The following ZCCHC4 variants were observed in gnomAD, a reference collection of about 807,000 sequenced individuals.
ZCCHC4 encodes rRNA N(6)-adenosine-methyltransferase ZCCHC4.
A neutral mutation model predicts 67.7 loss-of-function variants in ZCCHC4; 54 were observed. The ratio of observed to expected loss-of-function variants is 0.80; its 90% CI spans 0.64 to 1.00. ZCCHC4 has a LOEUF of 1.00. ZCCHC4 is among the 50% of genes least tolerant of loss of function. ZCCHC4 has a pLI of 0.00. For missense variants in ZCCHC4, 609 were observed against 617.0 expected, an observed-to-expected ratio of 0.99 and a Z score of 0.14; for synonymous variants, 198 against 213.5, an observed-to-expected ratio of 0.93 and a Z score of 0.63.
chr4:25,345,492 A>G (rs1162819725), intron 5 of ZCCHC4, 56 bp from the exon 6 acceptor site: 5 of 958,772 alleles, frequency 5.2e-6, no homozygotes, highest in African/African-American at 1.7e-5. Context: ...AATTTAGTTT[A>G]TATTTGTCTA....
rs938773676 is a variant in ZCCHC4, at chr4:25,370,362, G to A, written c.*1198G>A. ...CAGCTATACCTGAGGTTTGTTTTGT[G>A]ATTAAATTAAATGAGACCCAAGTGC... is the stretch of plus-strand genomic sequence containing the variant. On this transcript the variant is annotated 3_prime_UTR_variant, in exon 13 of 13. Coordinates refer to ENST00000302874, the MANE Select transcript of ZCCHC4 (RefSeq NM_024936.3). 1.3e-4 allele frequency: 20 copies of A among 152,118 alleles called. No individual in the cohort carries two copies. The highest frequency in any genetic ancestry group is 2.6e-4 in the Admixed American group (4 of 15,276). 9.4% of individuals were successfully genotyped at this position (152,118 alleles called of 1,614,324 possible).
At chr4:25,338,509 C>G (rs980473045) in intron 5 of ZCCHC4, among the ~76,000 whole-genome samples, 1 of 152,244 alleles carries the variant, frequency 6.6e-6, no homozygotes, top group African/African-American at 2.4e-5. Flanking sequence ...TTTTCATCAC[C>G]TTCAGAAGAA....
At chr4:25,356,374 A>G (rs1026551710) in intron 8 of ZCCHC4, among the ~76,000 whole-genome samples, 3 of 152,172 alleles carry the variant, frequency 2.0e-5, no homozygotes, top group Non-Finnish European at 4.4e-5. Context: ...TATATGTTAG[A>G]GGTACATTAA....
intron 12 of ZCCHC4, chr4:25,366,123 T>C: frequency 1.0e-6 from 1 of 980,902 alleles, no homozygotes; most frequent in Non-Finnish European, 1.2e-6. Context: ...TTAGAATTCT[T>C]TCCCATGTGT....
rs1172178708 is a variant in ZCCHC4, at chr4:25,314,087, G to C, written c.169G>C (p.Glu57Gln). 2.5e-6 allele frequency: 4 copies of C among 1,608,906 alleles called. No homozygotes were observed. The African/African-American group carries it at 5.4e-5, about 22-fold the overall frequency. Residue 57 changes from glutamate (E) to glutamine (Q), a missense_variant, in exon 2 of 13, where the codon GAA becomes CAA. Coordinates refer to ENST00000302874, the MANE Select transcript of ZCCHC4 (RefSeq NM_024936.3). ...TGTAAAGGTGACCCAAGGGAAAGAAGAAACTCGGAGGTTTTATGCCTGTTC... is the reference window on the plus strand; with the variant it reads ...TGTAAAGGTGACCCAAGGGAAAGAACAAACTCGGAGGTTTTATGCCTGTTC... ...LFVKVTQGKEETRRFYACSAC... is the reference protein window; with the variant it reads ...LFVKVTQGKEQTRRFYACSAC...
At chr4:25,314,228 G>C in intron 2 of ZCCHC4, 64 bp downstream of exon 2, 1 of 1,031,510 alleles carries the variant, frequency 9.7e-7, no homozygotes, top group Non-Finnish European at 1.5e-6. Flanking sequence ...TGTTGAGAAC[G>C]TGTAAACCAA....
chr4:25,368,372 A>G (rs1721024904), intron 12 of ZCCHC4, among the ~76,000 whole-genome samples: 2 of 152,178 alleles, frequency 1.3e-5, no homozygotes, highest in Admixed American at 1.3e-4. Context: ...CCTGTAACTT[A>G]GTGTGGAGAA....
In ZCCHC4 at chr4:25,340,618, C is replaced by T. The variant is rs542658078; in HGVS notation, c.687-4930C>T. Among the ~76,000 whole-genome samples, 4 of 152,214 alleles carry T rather than the reference C, an allele frequency of 2.6e-5. No homozygotes were observed. The South Asian group carries it at 8.3e-4, about 32-fold the overall frequency. ...CATCTTAATATTAAGTTGTCCAGTCCATGAACATGAGATGTCCTTCCATTT... is the reference window on the plus strand; with the variant it reads ...CATCTTAATATTAAGTTGTCCAGTCTATGAACATGAGATGTCCTTCCATTT... On this transcript the variant is annotated intron_variant, in intron 5 of 12. Transcript: ENST00000302874.
Position 25,364,442 on chromosome 4 carries a change from T to C in ZCCHC4, c.1210-12T>C. ...TTAATTATAATTTAAAAATTGTTTT[T>C]TTTTTTGGTAGGATGGCAGGAAATG... On this transcript the variant is annotated splice_polypyrimidine_tract_variant and intron_variant, in intron 10 of 12. Transcript: ENST00000302874. 6.6e-7 allele frequency: 1 copy of C among 1,504,634 alleles called. No homozygotes were observed. The highest frequency in any genetic ancestry group is 1.4e-5 in the African/African-American group (1 of 69,828). 93.2% of individuals were successfully genotyped at this position (1,504,634 alleles called of 1,614,324 possible).
chr4:25,341,285 G>T (rs1325773324), intron 5 of ZCCHC4, among the ~76,000 whole-genome samples: 4 of 152,180 alleles, frequency 2.6e-5, no homozygotes, highest in Admixed American at 2.0e-4. Flanking sequence ...TCATGTTGAA[G>T]TGTGATTTCC....
intron 5 of ZCCHC4, among the ~76,000 whole-genome samples, chr4:25,341,129 T>C (rs1169189965): frequency 6.6e-6 from 1 of 152,200 alleles, no homozygotes; most frequent in Non-Finnish European, 1.5e-5. Context: ...CATTTTCTTT[T>C]CTCTAGCTAA....
intron 10 of ZCCHC4, among the ~76,000 whole-genome samples, chr4:25,363,006 G>A (rs565409144): frequency 2.6e-5 from 4 of 152,186 alleles, no homozygotes; most frequent in East Asian, 1.9e-4. Flanking sequence ...ATGGGCCTGC[G>A]TTGACACATC....
intron 3 of ZCCHC4, among the ~76,000 whole-genome samples, chr4:25,328,756 A>AT (rs1051413857): frequency 6.7e-6 from 1 of 148,438 alleles, no homozygotes; most frequent in African/African-American, 2.5e-5. Context: ...TAATTTTTGT[A>AT]TTTTTTTGTA....
In ZCCHC4 at chr4:25,315,419, T is replaced by A. The variant is rs1382987047; in HGVS notation, c.329+19T>A. ...TGGAAAGGTACTGATGCAGTGTCAT[T>A]TTTCTTTATTAGTTTAGCTGTCATT... is the stretch of plus-strand genomic sequence containing the variant. On this transcript the variant is annotated intron_variant, in intron 3 of 12. Transcript: ENST00000302874. 7.0e-6 allele frequency: 11 copies of A among 1,561,584 alleles called. No homozygotes were observed. Among genetic ancestry groups the A allele is most frequent in the Non-Finnish European group, 8.7e-6 (10 of 1,155,178 alleles).
At chr4:25,366,068 T>C in intron 12 of ZCCHC4, 2 of 975,564 alleles carry the variant, frequency 2.1e-6, no homozygotes, top group Middle Eastern at 5.2e-4. Flanking sequence ...AAAAATTGAT[T>C]TGTGTTAGAA....
Position 25,333,926 on chromosome 4 carries a change from G to C in ZCCHC4, c.624G>C (p.Lys208Asn), listed in dbSNP as rs978478720. The C allele has an allele frequency of 1.2e-5, 20 of 1,601,470 alleles. No homozygotes were observed. Among genetic ancestry groups the C allele is most frequent in the Middle Eastern group, 1.7e-4 (1 of 6,044 alleles). ...GCTTTAGGTTGCATGAGCTGATCAA[G>C]TTGACAGCATCAGGTGACAAGAAGT... ...VGTPRLHELI[K>N]LTASGDKKSN... is the part of the protein sequence containing the mutation. The change falls in exon 5 of 13, where the codon AAG (lysine) becomes AAC (asparagine). Residue 208 changes from lysine (K) to asparagine (N), a missense_variant. By Grantham distance (94) the Lys-to-Asn change is moderately conservative. Coordinates refer to ENST00000302874, the MANE Select transcript of ZCCHC4 (RefSeq NM_024936.3).
Position 25,362,306 on chromosome 4 carries a change from G to T in ZCCHC4, c.1209+5G>T, listed in dbSNP as rs1235061605. 6.4e-7 allele frequency: 1 copy of T among 1,571,180 alleles called. No homozygotes were observed. Among genetic ancestry groups the T allele is most frequent in the Admixed American group, 1.8e-5 (1 of 57,030 alleles). ...TGTAATTCTTGCACATCCAAGGTAT[G>T]GTGTTCTTATAGAATGTATTTTTAT... On this transcript the variant is annotated splice_donor_5th_base_variant and intron_variant, in intron 10 of 12. Transcript: ENST00000302874.
At chr4:25,332,865 T>G (rs1419610968) in intron 3 of ZCCHC4, among the ~76,000 whole-genome samples, 1 of 152,214 alleles carries the variant, frequency 6.6e-6, no homozygotes, top group Non-Finnish European at 1.5e-5. Context: ...AAATTTAAAC[T>G]TGATAGTAGT....
chr4:25,339,907 T>G lies in ZCCHC4; in HGVS notation c.687-5641T>G, dbSNP rs1577744810. 5.9e-5 allele frequency among the ~76,000 whole-genome samples: 9 copies of G among 151,994 alleles called. 1 individual carries two copies. The South Asian group carries it at 1.9e-3, about 32-fold the overall frequency. On this transcript the variant is annotated intron_variant, in intron 5 of 12. Coordinates refer to ENST00000302874, the MANE Select transcript of ZCCHC4 (RefSeq NM_024936.3). ...TTTTTTTTGAGACGGAGTCTTGCTG[T>G]CACCCAGGCTGGAGTGCAGTGGCAC...
Sources: gnomAD v4.1 joint callset for allele counts (sites outside exome capture counted in the v4.1 genomes callset) on GRCh38, gnomAD v4.1.1 for gene constraint, MANE v1.5 for transcripts, NCBI Gene and HGNC (gene_info 2026-07-23, HGNC 2026-07-21) for gene names.